Variants in GPC5 observed in about 807,000 individuals in gnomAD.
The protein encoded by GPC5 is glypican 5.
GPC5 carries 47 observed loss-of-function variants against 53.9 expected under a neutral mutation model. The ratio of observed to expected loss-of-function variants is 0.87; its 90% CI spans 0.69 to 1.11. The LOEUF is 1.11. GPC5 is among the 50% of genes most tolerant of loss of function. The pLI is 0.00. For synonymous variants in GPC5, 286 were observed against 263.3 expected (o/e 1.09, Z -0.84); for missense variants, 748 against 713.1 (o/e 1.05, Z -0.56).
At chr13:91,920,926 CTTTTTTTT>C (rs869309251) in intron 6 of GPC5, among the ~76,000 whole-genome samples, 297 of 32,056 alleles carry the variant, frequency 9.3e-3, no homozygotes, top group African/African-American at 0.035. Context: ...CTCTCTCTCT[CTTTTTTTT>C]TTTTTTTTTT....
chr13:92,393,974 C>A (rs148708884), intron 7 of GPC5, among the ~76,000 whole-genome samples: 1 of 151,954 alleles, frequency 6.6e-6, no homozygotes. Flanking sequence ...ATTCAAAAAA[C>A]GTATGTAGTA....
At chr13:91,852,167 A>G (rs967234403) in intron 5 of GPC5, among the ~76,000 whole-genome samples, 21 of 152,188 alleles carry the variant, frequency 1.4e-4, no homozygotes, top group Admixed American at 1.3e-3. Context: ...CTTTACAAGC[A>G]TTAGTTGTTT....
intron 3 of GPC5, among the ~76,000 whole-genome samples, chr13:91,718,630 A>G (rs546396847): frequency 3.3e-5 from 5 of 152,310 alleles, no homozygotes; most frequent in African/African-American, 1.2e-4. Flanking sequence ...ACCATATTTA[A>G]AAATGTGATT....
chr13:92,715,012 C>T (rs1471118582), intron 7 of GPC5, among the ~76,000 whole-genome samples: 1 of 152,076 alleles, frequency 6.6e-6, no homozygotes, highest in East Asian at 1.9e-4. Flanking sequence ...TTGCAGTGAG[C>T]CAAGATCACG....
chr13:91,808,589 C>T (rs1389159784), intron 5 of GPC5, among the ~76,000 whole-genome samples: 1 of 152,158 alleles, frequency 6.6e-6, no homozygotes, highest in Non-Finnish European at 1.5e-5. Context: ...CATCAACTAA[C>T]TCATGCTACA....
At chr13:92,779,367 G>C (rs910362279) in intron 7 of GPC5, among the ~76,000 whole-genome samples, 3 of 152,072 alleles carry the variant, frequency 2.0e-5, no homozygotes, top group African/African-American at 7.2e-5. Context: ...CAGCCAAACC[G>C]TATCAGTCTC....
At chr13:92,127,311 G>A (rs1460457856) in intron 6 of GPC5, among the ~76,000 whole-genome samples, 2 of 151,250 alleles carry the variant, frequency 1.3e-5, no homozygotes, top group African/African-American at 4.9e-5. Flanking sequence ...GTATATATGT[G>A]TATATATATG....
intron 7 of GPC5, among the ~76,000 whole-genome samples, chr13:92,427,828 A>G (rs1347851204): frequency 6.6e-6 from 1 of 152,162 alleles, no homozygotes; most frequent in African/African-American, 2.4e-5. Context: ...CTAGCTCCTT[A>G]GTTGCTAACA....
intron 6 of GPC5, among the ~76,000 whole-genome samples, chr13:92,114,736 C>T (rs1233073758): frequency 6.6e-6 from 1 of 152,146 alleles, no homozygotes; most frequent in Non-Finnish European, 1.5e-5. Context: ...TAAAGATAGC[C>T]TTCCATAAAG....
chr13:92,578,611 A>G (rs1297358785), intron 7 of GPC5, among the ~76,000 whole-genome samples: 3 of 152,172 alleles, frequency 2.0e-5, no homozygotes, highest in Non-Finnish European at 4.4e-5. Context: ...CAACTCCAGA[A>G]GAGAGAGCAA....
chr13:91,779,572 G>A (rs2037764441), intron 5 of GPC5, among the ~76,000 whole-genome samples: 1 of 152,112 alleles, frequency 6.6e-6, no homozygotes, highest in South Asian at 2.1e-4. Flanking sequence ...TGTTACCCAG[G>A]CTGGTCTCAA....
At chr13:91,549,795 A>G (rs376902599) in intron 2 of GPC5, among the ~76,000 whole-genome samples, 70 of 152,312 alleles carry the variant, frequency 4.6e-4, no homozygotes, top group African/African-American at 1.6e-3. Context: ...AACAGCTCTC[A>G]TTAATTGCTG....
At chr13:92,255,465 C>T (rs2042720650) in intron 7 of GPC5, among the ~76,000 whole-genome samples, 1 of 151,780 alleles carries the variant, frequency 6.6e-6, no homozygotes, top group East Asian at 1.9e-4. Context: ...TTGTCTCTTC[C>T]AAATTTATGT....
At chr13:92,854,076 C>CA (rs1316686073) in intron 7 of GPC5, among the ~76,000 whole-genome samples, 5 of 151,776 alleles carry the variant, frequency 3.3e-5, no homozygotes, top group Admixed American at 3.3e-4. Context: ...TGTGTTAAAA[C>CA]CATTTGCTAA....
chr13:92,427,491 G>C (rs940303143), intron 7 of GPC5, among the ~76,000 whole-genome samples: 3 of 149,110 alleles, frequency 2.0e-5, no homozygotes, highest in African/African-American at 7.5e-5. Flanking sequence ...GAGAGAGAGT[G>C]AACAAGATGA....
intron 7 of GPC5, among the ~76,000 whole-genome samples, chr13:92,596,891 A>G (rs1383860155): frequency 2.0e-5 from 3 of 152,200 alleles, no homozygotes; most frequent in Admixed American, 6.5e-5. Context: ...TGAATAACTT[A>G]AAGAGTCCTC....
At chr13:92,708,555 T>C (rs1888026020) in intron 7 of GPC5, among the ~76,000 whole-genome samples, 1 of 152,174 alleles carries the variant, frequency 6.6e-6, no homozygotes, top group South Asian at 2.1e-4. Flanking sequence ...TGACTTTTCC[T>C]GATAGTGTTT....
intron 6 of GPC5, among the ~76,000 whole-genome samples, chr13:92,020,495 TC>T (rs1198105289): frequency 2.6e-5 from 4 of 152,106 alleles, no homozygotes; most frequent in African/African-American, 4.8e-5. Context: ...TATTTTTTTT[TC>T]ATCATAGCCA....
chr13:92,562,197 C>T (rs1239230607), intron 7 of GPC5, among the ~76,000 whole-genome samples: 1 of 152,058 alleles, frequency 6.6e-6, no homozygotes, highest in Non-Finnish European at 1.5e-5. Context: ...CTTGCCAGCT[C>T]TCAGCAATTC....
Sources: gnomAD v4.1 joint callset for allele counts (sites outside exome capture counted in the v4.1 genomes callset) on GRCh38, gnomAD v4.1.1 for gene constraint, MANE v1.5 for transcripts, NCBI Gene and HGNC (gene_info 2026-07-23, HGNC 2026-07-21) for gene names.